AGBL4: variants seen among roughly 807,000 people sequenced by gnomAD.
AGBL4 encodes AGBL carboxypeptidase 4.
In AGBL4, 58 loss-of-function variants were observed where a neutral mutation model predicts 66.4. That is an observed-to-expected ratio of 0.87 (90% CI 0.71 to 1.09). The LOEUF is 1.09. AGBL4 is among the 50% of genes least tolerant of loss of function. The probability of loss-of-function intolerance (pLI) is 0.00; values close to 1 mark genes in which losing one functional copy is unlikely to be tolerated. For missense variants in AGBL4, 579 were observed against 631.0 expected (o/e 0.92, Z 0.88); for synonymous variants, 234 against 222.9 (o/e 1.05, Z -0.44).
intron 9 of AGBL4, among the ~76,000 whole-genome samples, chr1:48,609,780 C>G (rs1387552216): frequency 1.3e-5 from 2 of 152,138 alleles, no homozygotes; most frequent in African/African-American, 2.4e-5. Context: ...AAATTCTCTC[C>G]CCACTGCATG....
intron 3 of AGBL4, among the ~76,000 whole-genome samples, chr1:49,281,836 C>T (rs1293773878): frequency 1.3e-5 from 2 of 152,178 alleles, no homozygotes; most frequent in East Asian, 3.8e-4. Context: ...AGCCCCAAAC[C>T]CTTTTCTATA....
intron 6 of AGBL4, among the ~76,000 whole-genome samples, chr1:48,673,991 A>C (rs1646320582): frequency 6.6e-6 from 1 of 152,120 alleles, no homozygotes; most frequent in African/African-American, 2.4e-5. Flanking sequence ...CCGTACTCCC[A>C]GTCCTGCAGC....
intron 6 of AGBL4, among the ~76,000 whole-genome samples, chr1:48,706,990 A>T (rs1032547619): frequency 6.3e-4 from 96 of 152,284 alleles, no homozygotes; most frequent in African/African-American, 2.2e-3. Context: ...TCCTGTCCTG[A>T]ACTTGCCTAA....
At chr1:48,614,033 C>T (rs1645280992) in intron 9 of AGBL4, among the ~76,000 whole-genome samples, 1 of 152,106 alleles carries the variant, frequency 6.6e-6, no homozygotes, top group African/African-American at 2.4e-5. Context: ...AAGCATAAGG[C>T]ACAAGAGGAA....
intron 11 of AGBL4, among the ~76,000 whole-genome samples, chr1:48,565,067 C>T (rs1382466637): frequency 6.6e-6 from 1 of 152,224 alleles, no homozygotes; most frequent in African/African-American, 2.4e-5. Flanking sequence ...CTAACATTTA[C>T]AGTGAGTAAG....
chr1:49,311,777 A>T (rs778931882), intron 3 of AGBL4, among the ~76,000 whole-genome samples: 10 of 152,058 alleles, frequency 6.6e-5, no homozygotes, highest in Non-Finnish European at 1.2e-4. Flanking sequence ...CCAAGAGGAC[A>T]GTAAAATATC....
intron 4 of AGBL4, among the ~76,000 whole-genome samples, chr1:49,141,091 TA>T (rs1020633680): frequency 2.6e-5 from 4 of 152,110 alleles, no homozygotes; most frequent in Non-Finnish European, 4.4e-5. Context: ...TAATTGGTAC[TA>T]AAAAAAGAAG....
At chr1:48,703,736 T>A (rs545214344) in intron 6 of AGBL4, among the ~76,000 whole-genome samples, 5 of 152,180 alleles carry the variant, frequency 3.3e-5, no homozygotes, top group African/African-American at 1.2e-4. Flanking sequence ...AACCCATCTC[T>A]GAATTTTCCT....
intron 3 of AGBL4, among the ~76,000 whole-genome samples, chr1:49,330,169 C>T (rs912677704): frequency 6.6e-6 from 1 of 152,238 alleles, no homozygotes; most frequent in Admixed American, 6.5e-5. Context: ...GTAATCCCAG[C>T]ACTTTGGGAG....
intron 3 of AGBL4, among the ~76,000 whole-genome samples, chr1:49,682,857 T>G (rs1263618301): frequency 6.6e-6 from 1 of 152,224 alleles, no homozygotes; most frequent in Non-Finnish European, 1.5e-5. Flanking sequence ...TTTACCCTCA[T>G]AGTCTCAGAG....
chr1:48,593,659 G>T (rs1227342592), intron 9 of AGBL4, among the ~76,000 whole-genome samples: 3 of 152,166 alleles, frequency 2.0e-5, no homozygotes, highest in African/African-American at 4.8e-5. Context: ...GCTGAGGCAG[G>T]AGACCCGCTT....
At position 48,883,121 on chromosome 1, in the gene AGBL4, G is replaced by T. The variant is rs184187110; in HGVS notation, c.595-15891C>A. 5.0e-3 allele frequency among the ~76,000 whole-genome samples: 758 copies of T among 152,104 alleles called. 7 individuals are homozygous for T. The highest frequency in any genetic ancestry group is 0.017 in the Middle Eastern group (5 of 294). The stretch of plus-strand genomic sequence containing the variant: ...CAACATACAGATTTCATTTTCTTTG[G>T]GTATACACCCAGAAATGGAATTGCT... On this transcript the variant is annotated intron_variant, in intron 5 of 13. Coordinates refer to ENST00000371839, the MANE Select transcript of AGBL4 (RefSeq NM_032785.4).
chr1:49,426,089 A>C (rs1645652509), intron 3 of AGBL4, among the ~76,000 whole-genome samples: 1 of 152,210 alleles, frequency 6.6e-6, no homozygotes, highest in South Asian at 2.1e-4. Context: ...AGATTTACTT[A>C]GTATTTTATT....
At chr1:49,511,215 A>T in intron 3 of AGBL4, among the ~76,000 whole-genome samples, 1 of 151,784 alleles carries the variant, frequency 6.6e-6, no homozygotes, top group Admixed American at 6.6e-5. Context: ...CAAATGTCCA[A>T]CAATGATAGA....
chr1:49,488,762 AT>A (rs1647124105), intron 3 of AGBL4, among the ~76,000 whole-genome samples: 1 of 151,670 alleles, frequency 6.6e-6, no homozygotes, highest in African/African-American at 2.4e-5. Flanking sequence ...AATTGTTTTA[AT>A]TTTTAGCTTC....
chr1:49,636,650 T>C (rs1571221733), intron 3 of AGBL4, among the ~76,000 whole-genome samples: 1 of 152,216 alleles, frequency 6.6e-6, no homozygotes, highest in Non-Finnish European at 1.5e-5. Flanking sequence ...ATTACATTTA[T>C]ATGAATTCAG....
chr1:48,720,260 A>G (rs1647123589), intron 6 of AGBL4, among the ~76,000 whole-genome samples: 1 of 152,202 alleles, frequency 6.6e-6, no homozygotes, highest in Non-Finnish European at 1.5e-5. Context: ...CAGAGGTCAC[A>G]AGAGGTGCCA....
intron 4 of AGBL4, among the ~76,000 whole-genome samples, chr1:49,074,111 G>A (rs541289383): frequency 5.3e-5 from 8 of 152,304 alleles, no homozygotes; most frequent in African/African-American, 7.2e-5. Context: ...ATCCCAGGTC[G>A]ATCTCAAGAC....
intron 3 of AGBL4, among the ~76,000 whole-genome samples, chr1:49,331,311 C>T (rs1286914604): frequency 6.6e-6 from 1 of 152,114 alleles, no homozygotes; most frequent in Admixed American, 6.5e-5. Context: ...CCCACTTCCA[C>T]GGCACCTCAC....
Sources: gnomAD v4.1 joint callset for allele counts (sites outside exome capture counted in the v4.1 genomes callset) on GRCh38, gnomAD v4.1.1 for gene constraint, MANE v1.5 for transcripts, NCBI Gene and HGNC (gene_info 2026-07-23, HGNC 2026-07-21) for gene names.